The following TSHZ3 variants were observed in gnomAD, a reference collection of about 807,000 sequenced individuals.
TSHZ3 encodes teashirt zinc finger homeobox 3, also known as teashirt homolog 3.
Under a neutral mutation model 64.5 loss-of-function variants are expected in TSHZ3, and 10 were observed. The ratio of observed to expected loss-of-function variants is 0.16; its 90% confidence interval spans 0.10 to 0.26. The LOEUF is 0.26. Ranked by LOEUF, TSHZ3 falls within the 10% of genes least tolerant of loss-of-function variation. TSHZ3 has a pLI of 1.00. For missense variants in TSHZ3, 1,242 were observed against 1,421.7 expected (o/e 0.87, Z 2.03); for synonymous variants, 608 against 593.1 (o/e 1.03, Z -0.36).
chr19:31,150,254 C>T (rs1974221921), exon 7 of TSHZ3, among the ~76,000 whole-genome samples: 2 of 152,176 alleles, frequency 1.3e-5, no homozygotes, highest in South Asian at 2.1e-4. Flanking sequence ...CCGTGAGGCC[C>T]GTGTGCTGGG....
At chr19:31,263,507 G>A (rs1976009809) in intron 1 of TSHZ3, among the ~76,000 whole-genome samples, 1 of 152,246 alleles carries the variant, frequency 6.6e-6, no homozygotes, top group African/African-American at 2.4e-5. Context: ...CTCCCCAGCT[G>A]GAGTGCCCCC....
chr19:31,279,201 G>A lies in TSHZ3; in HGVS notation c.592C>T (p.Arg198Trp), dbSNP rs745651972. The stretch of plus-strand genomic sequence containing the variant: ...GAGCCATAGAGCTTGCTGCTCTGCC[G>A]GTACAGCTGCACGGTGCTGAAGAGG... Reference protein sequence around the residue: ...PSLFSTVQLYRQSSKLYGSIF... With the variant: ...PSLFSTVQLYWQSSKLYGSIF... The change falls in exon 2 of 2, where the codon CGG (arginine) becomes TGG (tryptophan). Residue 198 changes from arginine (R) to tryptophan (W), a missense_variant. Transcript: ENST00000240587. The surrounding 1 kb of genome is among the most constrained non-coding windows in gnomAD (Gnocchi z 6.4). 31 of 1,613,950 alleles carry A rather than the reference G, an allele frequency of 1.9e-5. No homozygotes were observed. Among genetic ancestry groups the A allele is most frequent in the East Asian group, 6.7e-5 (3 of 44,860 alleles).
intron 1 of TSHZ3, among the ~76,000 whole-genome samples, chr19:31,333,579 A>G (rs1041014194): frequency 6.6e-6 from 1 of 151,936 alleles, no homozygotes; most frequent in African/African-American, 2.4e-5. Flanking sequence ...TAAACCACCA[A>G]AGAAGCCCCA....
At chr19:31,238,427 T>C (rs1353172307) in intron 3 of TSHZ3, among the ~76,000 whole-genome samples, 1 of 152,104 alleles carries the variant, frequency 6.6e-6, no homozygotes, top group Non-Finnish European at 1.5e-5. Flanking sequence ...GGCTAATTTT[T>C]GCATTTTTAG....
At position 31,330,314 on chromosome 19, in the gene TSHZ3, C is replaced by T. The variant is rs1917043948; in HGVS notation, c.40+18866G>A. On this transcript the variant is annotated intron_variant, in intron 1 of 1. Transcript: ENST00000240587. The stretch of plus-strand genomic sequence containing the variant: ...CCTCAGGCCTTCTGGAAACATCTAA[C>T]GCCTAGCAGGGGTGGAGCAGTGAGC... Among the ~76,000 whole-genome samples, 4 of 152,202 alleles carry T rather than the reference C, an allele frequency of 2.6e-5. No homozygotes were observed. The South Asian group carries it at 8.3e-4, about 32-fold the overall frequency.
chr19:31,343,778 T>TC (rs752784725), intron 1 of TSHZ3, among the ~76,000 whole-genome samples: 1 of 151,632 alleles, frequency 6.6e-6, no homozygotes, highest in East Asian at 1.9e-4. Flanking sequence ...ATTCAGGTTT[T>TC]TTTTTTGTTT....
At chr19:31,233,732 G>A (rs990072510) in intron 3 of TSHZ3, among the ~76,000 whole-genome samples, 1 of 151,976 alleles carries the variant, frequency 6.6e-6, no homozygotes, top group African/African-American at 2.4e-5. Context: ...CCGAACCTAC[G>A]ACTCATTTCA....
chr19:31,250,371 C>G (rs190295669), intron 1 of TSHZ3, among the ~76,000 whole-genome samples: 18 of 152,310 alleles, frequency 1.2e-4, no homozygotes, highest in Non-Finnish European at 1.9e-4. Context: ...TCCTCACCCG[C>G]TCATTCATTA....
intron 1 of TSHZ3, among the ~76,000 whole-genome samples, chr19:31,260,887 T>G (rs895994555): frequency 6.6e-6 from 1 of 152,214 alleles, no homozygotes; most frequent in Non-Finnish European, 1.5e-5. Context: ...ATTCACCACA[T>G]GCATTTTTAA....
chr19:31,199,250 A>G (rs766431137), intron 5 of TSHZ3, among the ~76,000 whole-genome samples: 1 of 151,870 alleles, frequency 6.6e-6, no homozygotes, highest in African/African-American at 2.4e-5. Flanking sequence ...CTAAAAATAC[A>G]AAAATTAGCT....
chr19:31,195,092 C>A (rs1029209943), intron 5 of TSHZ3, among the ~76,000 whole-genome samples: 3 of 151,908 alleles, frequency 2.0e-5, no homozygotes, highest in African/African-American at 7.2e-5. Flanking sequence ...TATCTGAGAA[C>A]TATAGGACAA....
chr19:31,221,371 T>G (rs1352566816), intron 4 of TSHZ3, among the ~76,000 whole-genome samples: 1 of 151,988 alleles, frequency 6.6e-6, no homozygotes, highest in African/African-American at 2.4e-5. Context: ...AAGGAATAGG[T>G]GGTGGGGTGT....
intron 1 of TSHZ3, among the ~76,000 whole-genome samples, chr19:31,303,274 G>A (rs1292484032): frequency 1.3e-5 from 2 of 152,208 alleles, no homozygotes; most frequent in Non-Finnish European, 2.9e-5. Context: ...CTGACCCGCA[G>A]GCCTGAGTGT....
chr19:31,160,809 T>C (rs982765702), intron 5 of TSHZ3, among the ~76,000 whole-genome samples: 2 of 151,960 alleles, frequency 1.3e-5, no homozygotes, highest in Non-Finnish European at 2.9e-5. Context: ...CACACACACA[T>C]GCATATACAC....
chr19:31,219,244 G>GGA (rs1218856814), intron 4 of TSHZ3, among the ~76,000 whole-genome samples: 2 of 152,298 alleles, frequency 1.3e-5, no homozygotes, highest in African/African-American at 2.4e-5. Context: ...CACTGCCTAT[G>GGA]GAGAGACAGG....
chr19:31,272,547 AT>A (rs1976157825), downstream of TSHZ3, among the ~76,000 whole-genome samples: 2 of 152,146 alleles, frequency 1.3e-5, no homozygotes, highest in African/African-American at 4.8e-5. Context: ...ACATGTAAGG[AT>A]TTTGGTTAAT....
intron 1 of TSHZ3, among the ~76,000 whole-genome samples, chr19:31,311,184 A>T (rs889852122): frequency 6.6e-6 from 1 of 152,148 alleles, no homozygotes; most frequent in Non-Finnish European, 1.5e-5. Flanking sequence ...TGTTTTAGAT[A>T]CTCTTATAAA....
upstream of TSHZ3, among the ~76,000 whole-genome samples, chr19:31,350,312 C>T (rs980460137): frequency 3.3e-5 from 5 of 151,308 alleles, no homozygotes; most frequent in African/African-American, 1.2e-4. Flanking sequence ...AATTTTTTTT[C>T]CCCGGACAAA....
chr19:31,334,028 T>C (rs1367827720), intron 1 of TSHZ3, among the ~76,000 whole-genome samples: 2 of 152,182 alleles, frequency 1.3e-5, no homozygotes, highest in South Asian at 2.1e-4. Context: ...AAGACCCAAT[T>C]TGAACAGGGC....
Sources: allele counts gnomAD v4.1 joint callset (sites outside exome capture counted in the v4.1 genomes callset), GRCh38; gene constraint gnomAD v4.1.1; non-coding constraint Gnocchi (gnomAD v3.1); transcripts MANE v1.5; gene names NCBI Gene and HGNC (gene_info 2026-07-23, HGNC 2026-07-21).